Variants in NCOR2 observed in about 807,000 individuals in gnomAD.
NCOR2 encodes the protein CTG repeat protein 26.
In NCOR2, 81 loss-of-function variants were observed where a neutral mutation model predicts 262.9. The ratio of observed to expected loss-of-function variants is 0.31; its 90% CI spans 0.26 to 0.37. The LOEUF is 0.37. Among genes scored for constraint, NCOR2 ranks in the 10% least tolerant of loss-of-function variants. The pLI is 1.00. For synonymous variants in NCOR2, 1,659 were observed against 1,559.3 expected (o/e 1.06, Z -1.51); for missense variants, 3,385 against 3,621.4 (o/e 0.93, Z 1.68).
chr12:124,367,545 G>A (rs193056659), intron 20 of NCOR2, among the ~76,000 whole-genome samples: 6 of 152,262 alleles, frequency 3.9e-5, no homozygotes, highest in Admixed American at 2.0e-4. Flanking sequence ...CCCTTGTCCC[G>A]TAGCCATGCT....
chr12:124,481,265 C>T lies in NCOR2; in HGVS notation c.411+2331G>A, dbSNP rs112370898. On this transcript the variant is annotated intron_variant, in intron 3 of 46. Transcript: ENST00000405201. The surrounding 1 kb of genome is among the most constrained non-coding windows in gnomAD (Gnocchi z 4.6). ...GGGCAGGGATGCTGGCTGGGGTACC[C>T]GAGGGGGCAGTGCCCGAGAGGAACT... Among the ~76,000 whole-genome samples, 3,406 of 152,126 alleles carry T rather than the reference C, an allele frequency of 0.022. 68 individuals carry two copies. The highest frequency in any genetic ancestry group is 0.058 in the Middle Eastern group (17 of 294).
At chr12:124,366,081 C>T (rs951370449) in intron 20 of NCOR2, among the ~76,000 whole-genome samples, 9 of 152,196 alleles carry the variant, frequency 5.9e-5, no homozygotes, top group East Asian at 1.9e-4. Context: ...AGCACTGCCA[C>T]TCCTAGGCAC....
chr12:124,493,820 G>A (rs959644600), intron 1 of NCOR2, among the ~76,000 whole-genome samples: 15 of 152,290 alleles, frequency 9.8e-5, no homozygotes, highest in African/African-American at 2.9e-4. Flanking sequence ...CGGGGGAGTG[G>A]GGGGACACAG....
At chr12:124,415,051 G>C (rs950925924) in intron 13 of NCOR2, among the ~76,000 whole-genome samples, 2 of 152,202 alleles carry the variant, frequency 1.3e-5, no homozygotes, top group Admixed American at 1.3e-4. Flanking sequence ...TGGCTCCCCA[G>C]CCCACAGTCA....
chr12:124,391,353 G>A (rs1301125584), intron 16 of NCOR2, among the ~76,000 whole-genome samples: 3 of 152,046 alleles, frequency 2.0e-5, no homozygotes, highest in African/African-American at 7.2e-5. Flanking sequence ...TGCCAGAGGG[G>A]TGCATCGACC....
At position 124,371,343 on chromosome 12, in the gene NCOR2, A is replaced by G. The variant is rs563076867; in HGVS notation, c.2807+679T>C. The stretch of plus-strand genomic sequence containing the variant: ...TGAGGGTAGAACTGTGTCCCCCCAG[A>G]GAAGGTACATTCAAGTCCTAACCCA... On this transcript the variant is annotated intron_variant, in intron 20 of 46. Transcript: ENST00000405201. Among the ~76,000 whole-genome samples the G allele has an allele frequency of 1.7e-3, 266 of 152,236 alleles. 1 individual carries two copies. Among genetic ancestry groups the G allele is most frequent in the Non-Finnish European group, 3.2e-3 (217 of 68,018 alleles).
intron 6 of NCOR2, among the ~76,000 whole-genome samples, chr12:124,456,708 C>T (rs1030192126): frequency 4.6e-5 from 7 of 152,238 alleles, no homozygotes; most frequent in Non-Finnish European, 7.3e-5. Flanking sequence ...AGGGTCACAC[C>T]GCCATGAAGC....
chr12:124,460,215 C>T (rs1241564467), intron 5 of NCOR2, among the ~76,000 whole-genome samples: 1 of 152,218 alleles, frequency 6.6e-6, no homozygotes, highest in Non-Finnish European at 1.5e-5. Flanking sequence ...TCTGCTGCAC[C>T]CACAGTGCCT....
chr12:124,452,452 C>G (rs2045606744), intron 6 of NCOR2, among the ~76,000 whole-genome samples: 1 of 152,220 alleles, frequency 6.6e-6, no homozygotes, highest in South Asian at 2.1e-4. Context: ...CAAGTGCCCT[C>G]AACACTCCAG....
In NCOR2 at chr12:124,390,091, G is replaced by C. The variant is rs542975997; in HGVS notation, c.1877-4204C>G. On this transcript the variant is annotated intron_variant, in intron 16 of 46. Coordinates refer to ENST00000405201, the Ensembl canonical transcript of NCOR2. Reference sequence around the variant, plus strand: ...GCCCTCGTCCTGGGGCACGATGCCAGGGGAGGGCAACAAACCTCAACCACA... The same window carrying C: ...GCCCTCGTCCTGGGGCACGATGCCACGGGAGGGCAACAAACCTCAACCACA... 3.9e-5 allele frequency among the ~76,000 whole-genome samples: 6 copies of C among 152,324 alleles called. 1 individual carries two copies. The highest frequency in any genetic ancestry group is 3.9e-4 in the East Asian group (2 of 5,188).
rs375254313 is a variant in NCOR2 at position 124,367,930 on chromosome 12, G to A, written c.2807+4092C>T. Among the ~76,000 whole-genome samples the A allele has an allele frequency of 1.6e-4, 24 of 152,320 alleles. No individual in the cohort carries two copies. In the East Asian group the frequency reaches 4.4e-3, roughly 28 times the overall value. On this transcript the variant is annotated intron_variant, in intron 20 of 46. Transcript: ENST00000405201. ...ATTACAGGCATGAGCCACCGCGACCGGCCTCTCTCCTTTGTTTTCTTGGAA... is the reference window on the plus strand; with the variant it reads ...ATTACAGGCATGAGCCACCGCGACCAGCCTCTCTCCTTTGTTTTCTTGGAA...
Position 124,426,591 on chromosome 12 carries a change from G to C in NCOR2, c.1328+31C>G, listed in dbSNP as rs762346699. 7.2e-6 allele frequency: 11 copies of C among 1,535,034 alleles called. No homozygotes were observed. The East Asian group carries it at 1.2e-4, about 16-fold the overall frequency. On this transcript the variant is annotated intron_variant, in intron 11 of 46. Coordinates refer to ENST00000405201, the Ensembl canonical transcript of NCOR2. ...CTCAACAGGATGGGGGTGGGGGGCC[G>C]GGAGGCCAGGCCAGGTGATGGAGGA...
In NCOR2 at chr12:124,531,164, G is replaced by C. The variant is rs765256850; in HGVS notation, c.-118+4401C>G. ...GGTCATTTCAGGAGAAGGACGTCTG[G>C]GAGGCATCCACCAACTCATGCTGAA... On this transcript the variant is annotated intron_variant, in intron 1 of 46. Transcript: ENST00000404621. This position sits in a 1 kb window ranked among gnomAD's most constrained non-coding sequence, Gnocchi z 4.5. Among the ~76,000 whole-genome samples the C allele has an allele frequency of 6.6e-6, 1 of 152,154 alleles. No homozygotes were observed. Among genetic ancestry groups the C allele is most frequent in the Non-Finnish European group, 1.5e-5 (1 of 68,022 alleles).
At chr12:124,532,916 G>A (rs1243026) in intron 1 of NCOR2, among the ~76,000 whole-genome samples, 43 of 34,834 alleles carry the variant, frequency 1.2e-3, no homozygotes, top group South Asian at 2.4e-3. Flanking sequence ...CTCCCTCCAA[G>A]TCCCACTCCT....
chr12:124,487,568 C>A (rs1057364267), intron 1 of NCOR2, among the ~76,000 whole-genome samples: 3 of 152,232 alleles, frequency 2.0e-5, no homozygotes, highest in African/African-American at 7.2e-5. Flanking sequence ...AGGAACCCCC[C>A]ACCCTCAAGC....
intron 11 of NCOR2, among the ~76,000 whole-genome samples, chr12:124,423,080 G>C (rs2043312784): frequency 1.3e-5 from 2 of 152,254 alleles, no homozygotes; most frequent in Admixed American, 6.5e-5. Context: ...CAGCCAAGGA[G>C]GCGGCAAGCA....
chr12:124,486,417 G>C, intron 2 of NCOR2, 24 bp downstream of exon 4: 2 of 1,611,582 alleles, frequency 1.2e-6, no homozygotes, highest in Non-Finnish European at 1.7e-6. Context: ...GCCCTGGACA[G>C]GGAGGCAGCA....
chr12:124,415,607 G>C (rs1301724774), intron 13 of NCOR2, among the ~76,000 whole-genome samples: 2 of 152,238 alleles, frequency 1.3e-5, no homozygotes, highest in African/African-American at 4.8e-5. Context: ...GGGACCTCCT[G>C]CCCGGCTTGC....
chr12:124,340,973 G>A (rs549292588), intron 34 of NCOR2, among the ~76,000 whole-genome samples: 5 of 152,294 alleles, frequency 3.3e-5, no homozygotes, highest in East Asian at 3.9e-4. Flanking sequence ...AGCCCGAGCC[G>A]GGGCATCTCC....
Sources: gnomAD v4.1 joint callset for allele counts (sites outside exome capture counted in the v4.1 genomes callset) on GRCh38, gnomAD v4.1.1 for gene constraint, Gnocchi (gnomAD v3.1) non-coding constraint, MANE v1.5 for transcripts, NCBI Gene and HGNC (gene_info 2026-07-23, HGNC 2026-07-21) for gene names.